The following TRUB2 variants were observed in gnomAD, a reference collection of about 807,000 sequenced individuals.
The protein encoded by TRUB2 is pseudouridylate synthase TRUB2, mitochondrial.
In TRUB2, 31 loss-of-function variants were observed where a neutral mutation model predicts 31.9. The ratio of observed to expected loss-of-function variants is 0.97; its 90% CI spans 0.73 to 1.31. The LOEUF is 1.31. Ranked by LOEUF, TRUB2 falls within the 50% of genes most tolerant of loss-of-function variation. The probability of loss-of-function intolerance (pLI) is 0.00; values close to 1 mark genes in which losing one functional copy is unlikely to be tolerated. For missense variants in TRUB2, 451 were observed against 439.6 expected (o/e 1.03, Z -0.23); for synonymous variants, 201 against 182.6 (o/e 1.10, Z -0.81).
intron 7 of TRUB2, among the ~76,000 whole-genome samples, chr9:128,310,124 C>T (rs938625243): frequency 6.6e-6 from 1 of 152,016 alleles, no homozygotes; most frequent in Non-Finnish European, 1.5e-5. Context: ...AACAGGGTCT[C>T]ATTCCATCAC....
intron 5 of TRUB2, among the ~76,000 whole-genome samples, chr9:128,311,887 G>C (rs1224107299): frequency 6.8e-6 from 1 of 146,172 alleles, no homozygotes; most frequent in African/African-American, 2.6e-5. Context: ...CCAGACTGGA[G>C]TGCAGTGGCG....
In TRUB2 at chr9:128,313,854, T is replaced by TG; in HGVS notation, c.413dup (p.Asp139ArgfsTer2). 2 of 1,614,224 alleles carry TG rather than the reference T, an allele frequency of 1.2e-6. No homozygotes were observed. Among genetic ancestry groups the TG allele is most frequent in the Non-Finnish European group, 8.5e-7 (1 of 1,180,022 alleles). On this transcript the variant is annotated frameshift_variant, in exon 5 of 8. Coordinates refer to ENST00000372890, the MANE Select transcript of TRUB2 (RefSeq NM_015679.3). LOFTEE classifies it high-confidence loss of function. ...GCCTCCCGTCCTCACGGAAGTCATCTGTAGCTTTGCCCAGGAGGCCACGCA... is the reference window on the plus strand; with the variant it reads ...GCCTCCCGTCCTCACGGAAGTCATCTGGTAGCTTTGCCCAGGAGGCCACGCA...
Position 128,321,743 on chromosome 9 carries a change from A to G in TRUB2, c.110-13T>C. On this transcript the variant is annotated splice_polypyrimidine_tract_variant and intron_variant, in intron 1 of 7. Transcript: ENST00000372890. ...CTGGCATTGAGACCTGAACACACAGAGATAATATATACACACATACATACA... is the reference window on the plus strand; with the variant it reads ...CTGGCATTGAGACCTGAACACACAGGGATAATATATACACACATACATACA... 1.9e-6 allele frequency: 3 copies of G among 1,612,164 alleles called. No individual in the cohort carries two copies. The South Asian group carries it at 3.3e-5, about 18-fold the overall frequency.
At position 128,310,880 on chromosome 9, in the gene TRUB2, A is replaced by T. The variant is rs1831955657; in HGVS notation, c.670+7T>A. Reference sequence around the variant, plus strand: ...TCTCACTGCTCCAACTTCCTTGGCCAACCTACCTAAGAGGAATTCCGGAGG... The same window carrying T: ...TCTCACTGCTCCAACTTCCTTGGCCTACCTACCTAAGAGGAATTCCGGAGG... On this transcript the variant is annotated splice_region_variant and intron_variant, in intron 7 of 7. Transcript: ENST00000372890. The T allele has an allele frequency of 1.9e-6, 3 of 1,614,058 alleles. No individual in the cohort carries two copies. The highest frequency in any genetic ancestry group is 1.3e-5 in the African/African-American group (1 of 75,062).
rs550094998 is a variant in TRUB2, at chr9:128,305,873, T to C, written c.*3677A>G. 6.6e-6 allele frequency: 1 copy of C among 152,288 alleles called. No homozygotes were observed. The highest frequency in any genetic ancestry group is 1.9e-4 in the East Asian group (1 of 5,184). 9.4% of individuals were successfully genotyped at this position (152,288 alleles called of 1,614,324 possible). A position where few individuals can be genotyped will look rare whatever the true frequency, so the allele number is the denominator to read the frequency against. The stretch of plus-strand genomic sequence containing the variant: ...CCCGGCTTTTTTGTTTGTTTGTTTG[T>C]TTTTTGTAGAGACAGGGTCTCCTTG... On this transcript the variant is annotated 3_prime_UTR_variant, in exon 8 of 8. Coordinates refer to ENST00000372890, the MANE Select transcript of TRUB2 (RefSeq NM_015679.3).
chr9:128,319,253 G>A (rs550098481), intron 2 of TRUB2, among the ~76,000 whole-genome samples: 2 of 151,544 alleles, frequency 1.3e-5, no homozygotes, highest in Non-Finnish European at 2.9e-5. Context: ...GTGAACCCAG[G>A]AGGAGAAGCT....
At position 128,311,064 on chromosome 9, in the gene TRUB2, A is replaced by ACCCTTTCCCCCACATGAGGTGC. The variant is rs1227020114; in HGVS notation, c.534-63_534-42dup. On this transcript the variant is annotated intron_variant, in intron 6 of 7. Transcript: ENST00000372890. ...GGGGCTGCAGCTGGGTGGCCCACCT[A>ACCCTTTCCCCCACATGAGGTGC]CCCTTTCCCCCACATGAGGTGCCTC... The ACCCTTTCCCCCACATGAGGTGC allele has an allele frequency of 3.1e-5, 50 of 1,603,356 alleles. No homozygotes were observed. The East Asian group carries it at 9.0e-4, about 29-fold the overall frequency.
intron 1 of TRUB2, 77 bp downstream of exon 1, chr9:128,322,223 T>G: frequency 7.9e-7 from 1 of 1,267,276 alleles, no homozygotes; most frequent in Non-Finnish European, 1.1e-6. Flanking sequence ...GATTTTGTTT[T>G]GGGGTAAGGA....
Position 128,309,301 on chromosome 9 carries a change from A to C in TRUB2, c.*249T>G, listed in dbSNP as rs1210327396. ...CTCAGCCTTGGGAGTAGCTGGGATT[A>C]CAAGTGCCCGCCACCACGCCTGGTC... On this transcript the variant is annotated 3_prime_UTR_variant, in exon 8 of 8. Coordinates refer to ENST00000372890, the MANE Select transcript of TRUB2 (RefSeq NM_015679.3). 1 of 490,356 alleles carries C rather than the reference A, an allele frequency of 2.0e-6. No homozygotes were observed. Among genetic ancestry groups the C allele is most frequent in the Non-Finnish European group, 3.7e-6 (1 of 271,212 alleles). The allele number at this position is 490,356 out of a possible 1,614,324, so 30.4% of individuals were successfully genotyped here. A position where few individuals can be genotyped will look rare whatever the true frequency, so the allele number is the denominator to read the frequency against.
chr9:128,316,943 G>A (rs553428465), intron 3 of TRUB2: 7 of 552,404 alleles, frequency 1.3e-5, no homozygotes, highest in South Asian at 2.4e-5. Context: ...GGGAATCACT[G>A]AATAAAGGTG....
At chr9:128,321,530 T>C in intron 2 of TRUB2, 69 bp downstream of exon 2, 1 of 1,606,962 alleles carries the variant, frequency 6.2e-7, no homozygotes. Flanking sequence ...ATCTGAGCAC[T>C]GGGACACTGA....
intron 5 of TRUB2, among the ~76,000 whole-genome samples, chr9:128,312,624 T>A (rs199576569): frequency 5.3e-5 from 8 of 149,616 alleles, no homozygotes; most frequent in African/African-American, 1.9e-4. Flanking sequence ...TATTTTTTTT[T>A]TTTTTTTTTG....
At chr9:128,310,493 G>A (rs1228267054) in intron 7 of TRUB2, among the ~76,000 whole-genome samples, 5 of 151,806 alleles carry the variant, frequency 3.3e-5, no homozygotes, top group South Asian at 2.1e-4. Context: ...AGGGGCGGGC[G>A]CAGGCAGAGA....
chr9:128,312,486 A>G (rs1455026601), intron 5 of TRUB2, among the ~76,000 whole-genome samples: 3 of 151,470 alleles, frequency 2.0e-5, no homozygotes, highest in Non-Finnish European at 4.4e-5. Flanking sequence ...GCTGGAGTGC[A>G]GTGGTGAGAT....
chr9:128,309,433 G>T lies in TRUB2; in HGVS notation c.*117C>A. 8.6e-7 allele frequency: 1 copy of T among 1,158,630 alleles called. No individual in the cohort carries two copies. The highest frequency in any genetic ancestry group is 1.2e-6 in the Non-Finnish European group (1 of 826,670). 71.8% of individuals were successfully genotyped at this position (1,158,630 alleles called of 1,614,324 possible). On this transcript the variant is annotated 3_prime_UTR_variant, in exon 8 of 8. Transcript: ENST00000372890. ...CATTGACCTTTCTGTTACAGCTTGAGTTTTGTGTCTTACGTAGAAAAGGTG... is the reference window on the plus strand; with the variant it reads ...CATTGACCTTTCTGTTACAGCTTGATTTTTGTGTCTTACGTAGAAAAGGTG...
At position 128,305,903 on chromosome 9, in the gene TRUB2, G is replaced by C. The variant is rs1005630090; in HGVS notation, c.*3647C>G. 1.3e-5 allele frequency: 2 copies of C among 152,178 alleles called. No homozygotes were observed. The highest frequency in any genetic ancestry group is 4.8e-5 in the African/African-American group (2 of 41,404). The allele number at this position is 152,178 out of a possible 1,614,324, so 9.4% of individuals were successfully genotyped here. A position where few individuals can be genotyped will look rare whatever the true frequency, so the allele number is the denominator to read the frequency against. ...TGTAGAGACAGGGTCTCCTTGTGTT[G>C]CCCAGGCTGGTCTCAAACTTCTGGG... On this transcript the variant is annotated 3_prime_UTR_variant, in exon 8 of 8. Coordinates refer to ENST00000372890, the MANE Select transcript of TRUB2 (RefSeq NM_015679.3).
At chr9:128,311,627 G>A (rs372635412) in intron 5 of TRUB2, 26 bp from the exon 6 acceptor site, 5 of 1,612,854 alleles carry the variant, frequency 3.1e-6, no homozygotes, top group Non-Finnish European at 4.2e-6. Flanking sequence ...GGTTGTCAAT[G>A]TACAGGTACC....
intron 1 of TRUB2, among the ~76,000 whole-genome samples, 178 bp from the exon 2 acceptor site, chr9:128,321,908 T>A (rs1011819887): frequency 1.3e-5 from 2 of 151,924 alleles, no homozygotes; most frequent in Non-Finnish European, 2.9e-5. Context: ...GCCTCCAGAG[T>A]AGCTGGGATT....
chr9:128,311,039 G>T lies in TRUB2; in HGVS notation c.534-16C>A, dbSNP rs1452966535. 6.2e-7 allele frequency: 1 copy of T among 1,604,588 alleles called. No individual in the cohort carries two copies. Among genetic ancestry groups the T allele is most frequent in the South Asian group, 1.1e-5 (1 of 91,008 alleles). ...GTTGGAGTACCTGCAGATCAGGAAGGGGGCTGCAGCTGGGTGGCCCACCTA... is the reference window on the plus strand; with the variant it reads ...GTTGGAGTACCTGCAGATCAGGAAGTGGGCTGCAGCTGGGTGGCCCACCTA... On this transcript the variant is annotated splice_polypyrimidine_tract_variant and intron_variant, in intron 6 of 7. Coordinates refer to ENST00000372890, the MANE Select transcript of TRUB2 (RefSeq NM_015679.3).
Sources: allele counts gnomAD v4.1 joint callset (sites outside exome capture counted in the v4.1 genomes callset), GRCh38; gene constraint gnomAD v4.1.1; transcripts MANE v1.5; gene names NCBI Gene and HGNC (gene_info 2026-07-23, HGNC 2026-07-21).